The following DIP2B variants were observed in gnomAD, a reference collection of about 807,000 sequenced individuals.
The protein encoded by DIP2B is DIP2 acetate--CoA ligase B (putative).
Under a neutral mutation model 198.0 loss-of-function variants are expected in DIP2B, and 76 were observed. The observed-to-expected ratio is 0.38, with a 90% confidence interval of 0.32 to 0.46. The LOEUF (loss-of-function observed/expected upper bound fraction) is 0.46. Among genes scored for constraint, DIP2B ranks in the 20% least tolerant of loss-of-function variants. DIP2B has a pLI of 0.99. For synonymous variants in DIP2B, 701 were observed against 739.1 expected (o/e 0.95, Z 0.84); for missense variants, 1,559 against 1,978.4 (o/e 0.79, Z 4.02).
At chr12:50,642,097 A>C (rs978718766) in intron 3 of DIP2B, among the ~76,000 whole-genome samples, 2 of 152,112 alleles carry the variant, frequency 1.3e-5, no homozygotes, top group Non-Finnish European at 2.9e-5. Flanking sequence ...TCACACACAG[A>C]AGGAGAAAAG....
At chr12:50,734,985 G>A (rs1940110139) in intron 33 of DIP2B, 88 bp from the exon 34 acceptor site, 1 of 1,472,492 alleles carries the variant, frequency 6.8e-7, no homozygotes. Context: ...ACAAGTTAGA[G>A]GTTGTGGGAA....
intron 1 of DIP2B, among the ~76,000 whole-genome samples, chr12:50,555,790 C>G (rs1341136001): frequency 3.3e-5 from 5 of 151,958 alleles, no homozygotes; most frequent in Non-Finnish European, 7.4e-5. Context: ...CTAGGGGCCT[C>G]CCTGAGCAGA....
In DIP2B at chr12:50,520,942, A is replaced by T. The variant is rs528960466; in HGVS notation, c.100+15702A>T. Reference sequence around the variant, plus strand: ...CATTCCTGTCTCTGCATTTGTAGCGAGTATTTTCCCTGTCAGGACTGCTTT... The same window carrying T: ...CATTCCTGTCTCTGCATTTGTAGCGTGTATTTTCCCTGTCAGGACTGCTTT... On this transcript the variant is annotated intron_variant, in intron 1 of 37. Coordinates refer to ENST00000301180, the MANE Select transcript of DIP2B (RefSeq NM_173602.3). Among the ~76,000 whole-genome samples, 5 of 152,152 alleles carry T rather than the reference A, an allele frequency of 3.3e-5. No individual in the cohort carries two copies. The South Asian group carries it at 1.0e-3, about 32-fold the overall frequency.
intron 1 of DIP2B, among the ~76,000 whole-genome samples, chr12:50,577,875 A>T (rs1159329466): frequency 6.6e-6 from 1 of 152,188 alleles, no homozygotes; most frequent in East Asian, 1.9e-4. Context: ...GTCTTATCAG[A>T]TAACTGTGGT....
rs759634875 is a variant in DIP2B, at chr12:50,721,425, T to G, written c.3166+29T>G. On this transcript the variant is annotated intron_variant, in intron 26 of 37. Transcript: ENST00000301180. ...AGCATTGGATTGGCAGACTAGAGTT[T>G]AAGCTCCAATACTAGACTGACTACA... 3.1e-6 allele frequency: 5 copies of G among 1,612,814 alleles called. No individual in the cohort carries two copies. In the South Asian group the frequency reaches 5.5e-5, roughly 18 times the overall value.
chr12:50,741,201 A>AT (rs1304882045), intron 36 of DIP2B, among the ~76,000 whole-genome samples: 1 of 152,210 alleles, frequency 6.6e-6, no homozygotes, highest in African/African-American at 2.4e-5. Context: ...CTGTGCATGG[A>AT]TTAACTCACA....
intron 30 of DIP2B, 63 bp from the exon 31 acceptor site, chr12:50,731,306 G>T: frequency 6.4e-7 from 1 of 1,572,888 alleles, no homozygotes; most frequent in South Asian, 1.2e-5. Context: ...AATTGGTGGG[G>T]TTCTGAAGCA....
intron 1 of DIP2B, among the ~76,000 whole-genome samples, chr12:50,566,971 CAAAAAAAAAAAAAA>C (rs34854416): frequency 2.5e-5 from 2 of 78,446 alleles, no homozygotes; most frequent in African/African-American, 1.2e-4. Flanking sequence ...GACTCCGTCT[CAAAAAAAAAAAAAA>C]AAAAAAAGAA....
intron 1 of DIP2B, among the ~76,000 whole-genome samples, chr12:50,550,166 T>G (rs777002960): frequency 1.3e-5 from 2 of 152,202 alleles, no homozygotes; most frequent in Non-Finnish European, 2.9e-5. Context: ...TGGACCTGAT[T>G]AGTTTTGTAT....
intron 3 of DIP2B, among the ~76,000 whole-genome samples, chr12:50,653,328 CTTT>C (rs71086465): frequency 8.6e-6 from 1 of 116,310 alleles, no homozygotes; most frequent in African/African-American, 3.2e-5. Flanking sequence ...GTCTTTCTTT[CTTT>C]TTTTTTTTTC....
intron 5 of DIP2B, among the ~76,000 whole-genome samples, chr12:50,673,344 A>C (rs1465491723): frequency 1.3e-5 from 2 of 152,214 alleles, no homozygotes; most frequent in African/African-American, 4.8e-5. Flanking sequence ...TGGAGAAGTA[A>C]GAAGAAGGAA....
At position 50,521,465 on chromosome 12, in the gene DIP2B, C is replaced by T. The variant is rs563562528; in HGVS notation, c.100+16225C>T. 1.2e-4 allele frequency among the ~76,000 whole-genome samples: 18 copies of T among 146,626 alleles called. No individual in the cohort carries two copies. The East Asian group carries it at 3.7e-3, about 30-fold the overall frequency. On this transcript the variant is annotated intron_variant, in intron 1 of 37. Transcript: ENST00000301180. ...GTTTCATTTATGTTATTTTTACCTTCTCAGTTAGACTTCAGGTTTCTTTCT... is the reference window on the plus strand; with the variant it reads ...GTTTCATTTATGTTATTTTTACCTTTTCAGTTAGACTTCAGGTTTCTTTCT...
At position 50,662,702 on chromosome 12, in the gene DIP2B, A is replaced by G. The variant is rs1938673740; in HGVS notation, c.427+2383A>G. ...TATGTACTCTGATAGCCATAGAAAC[A>G]CTGAAGCTTAGAAGATGCCGAGGCT... On this transcript the variant is annotated intron_variant, in intron 4 of 37. Transcript: ENST00000301180. 2.0e-5 allele frequency among the ~76,000 whole-genome samples: 3 copies of G among 152,190 alleles called. No individual in the cohort carries two copies. In the South Asian group the frequency reaches 6.2e-4, roughly 32 times the overall value.
At chr12:50,530,597 G>A (rs80256243) in intron 1 of DIP2B, among the ~76,000 whole-genome samples, 2,025 of 152,306 alleles carry the variant, frequency 0.013, 49 homozygotes, top group African/African-American at 0.046. Context: ...GAGCAGGTAA[G>A]ACAGGGCAGG....
In DIP2B at chr12:50,566,963, C is replaced by G. The variant is rs1399593132; in HGVS notation, c.101-59013C>G. Among the ~76,000 whole-genome samples the G allele has an allele frequency of 7.5e-5, 10 of 132,744 alleles. No individual in the cohort carries two copies. In the South Asian group the frequency reaches 1.7e-3, roughly 22 times the overall value. The allele number at this position is 132,744 out of a possible 152,430, so 87.1% of individuals were successfully genotyped here. ...CTCCAGCCTGGGTGACAGAGCGAGA[C>G]TCCGTCTCAAAAAAAAAAAAAAAAA... is the stretch of plus-strand genomic sequence containing the variant. On this transcript the variant is annotated intron_variant, in intron 1 of 37. Coordinates refer to ENST00000301180, the MANE Select transcript of DIP2B (RefSeq NM_173602.3).
chr12:50,554,935 T>A (rs2139390610), intron 1 of DIP2B, among the ~76,000 whole-genome samples: 1 of 152,130 alleles, frequency 6.6e-6, no homozygotes, highest in Non-Finnish European at 1.5e-5. Flanking sequence ...GCCTGCCTAA[T>A]TTTTTGTATT....
chr12:50,688,282 T>C (rs1369554784), intron 12 of DIP2B, among the ~76,000 whole-genome samples: 2 of 152,140 alleles, frequency 1.3e-5, no homozygotes, highest in Non-Finnish European at 2.9e-5. Flanking sequence ...CCAGTAGCTC[T>C]GAGAGGTGAT....
At chr12:50,563,298 C>T (rs974114988) in intron 1 of DIP2B, among the ~76,000 whole-genome samples, 7 of 151,986 alleles carry the variant, frequency 4.6e-5, no homozygotes, top group African/African-American at 1.4e-4. Context: ...ACGATTCTTC[C>T]ACCTCAGCCT....
chr12:50,545,535 C>T (rs571302842), intron 1 of DIP2B, among the ~76,000 whole-genome samples: 1 of 151,958 alleles, frequency 6.6e-6, no homozygotes, highest in African/African-American at 2.4e-5. Flanking sequence ...GCCACCATGC[C>T]TGGCTAATTA....
Sources: gnomAD v4.1 joint callset for allele counts (sites outside exome capture counted in the v4.1 genomes callset) on GRCh38, gnomAD v4.1.1 for gene constraint, MANE v1.5 for transcripts, NCBI Gene and HGNC (gene_info 2026-07-23, HGNC 2026-07-21) for gene names.